The following NFIA variants were observed in gnomAD, a reference collection of about 807,000 sequenced individuals.
NFIA encodes nuclear factor 1 A-type.
In NFIA, 8 loss-of-function variants were observed where a neutral mutation model predicts 62.8. The observed-to-expected ratio is 0.13, with a 90% CI of 0.07 to 0.23. The LOEUF (loss-of-function observed/expected upper bound fraction) is 0.23, where lower values mean the gene tolerates loss of function less well. NFIA is among the 10% of genes least tolerant of loss of function. The pLI is 1.00. For missense variants in NFIA, 410 were observed against 642.1 expected (o/e 0.64, Z 3.91); for synonymous variants, 235 against 238.1 (o/e 0.99, Z 0.12).
chr1:61,129,003 A>G (rs986085073), intron 2 of NFIA, among the ~76,000 whole-genome samples: 5 of 133,188 alleles, frequency 3.8e-5, no homozygotes, highest in African/African-American at 1.4e-4. Flanking sequence ...GCTCACTGCA[A>G]GCTCCGCCTC....
rs551604270 is a variant in NFIA, at chr1:61,434,728, A to C, written c.1512+8172A>C. Among the ~76,000 whole-genome samples the C allele has an allele frequency of 2.0e-3, 309 of 152,308 alleles. 1 individual carries two copies. Among genetic ancestry groups the C allele is most frequent in the Non-Finnish European group, 3.7e-3 (254 of 68,026 alleles). On this transcript the variant is annotated intron_variant, in intron 10 of 10. Transcript: ENST00000403491. ...AGGTCTCTGCCATAGTATCTGGCAC[A>C]CAATAGGTGCTCAGTAAATATTGCT...
chr1:61,217,322 C>A (rs1653696667), intron 2 of NFIA, among the ~76,000 whole-genome samples: 1 of 151,890 alleles, frequency 6.6e-6, no homozygotes, highest in Admixed American at 6.6e-5. Flanking sequence ...CCCACCTTGG[C>A]CTCCCAAAGT....
rs534538040 is a variant in NFIA at position 61,260,974 on chromosome 1, G to A, written c.560-16546G>A. 5.3e-5 allele frequency among the ~76,000 whole-genome samples: 8 copies of A among 152,318 alleles called. No individual in the cohort carries two copies. The South Asian group carries it at 1.7e-3, about 32-fold the overall frequency. On this transcript the variant is annotated intron_variant, in intron 2 of 10. Transcript: ENST00000403491. The stretch of plus-strand genomic sequence containing the variant: ...ATGACACAATTTCTAAAGTTATTTA[G>A]TGTTTGTCAGTGATGTCTGAAGCTC...
chr1:61,295,174 ACT>A (rs1299088844), intron 3 of NFIA, among the ~76,000 whole-genome samples: 1 of 152,182 alleles, frequency 6.6e-6, no homozygotes, highest in Non-Finnish European at 1.5e-5. Flanking sequence ...TAAGTGCAGC[ACT>A]CTGACAGAAA....
At chr1:61,255,958 C>T (rs1011923003) in intron 2 of NFIA, among the ~76,000 whole-genome samples, 1 of 152,132 alleles carries the variant, frequency 6.6e-6, no homozygotes, top group Non-Finnish European at 1.5e-5. Flanking sequence ...CAAATGTAAG[C>T]TCACTAGGAA....
chr1:61,113,477 C>T (rs929051743), intron 2 of NFIA, among the ~76,000 whole-genome samples: 1 of 151,874 alleles, frequency 6.6e-6, no homozygotes, highest in African/African-American at 2.4e-5. Context: ...ACCTGTAATC[C>T]CAGCTACTCT....
chr1:61,454,163 G>A (rs902955251), intron 10 of NFIA, among the ~76,000 whole-genome samples: 12 of 152,210 alleles, frequency 7.9e-5, no homozygotes, highest in Middle Eastern at 3.4e-3. Flanking sequence ...TTCTGATACC[G>A]TCAACTTAAA....
intron 2 of NFIA, among the ~76,000 whole-genome samples, chr1:61,101,290 G>C (rs1469580266): frequency 6.6e-6 from 1 of 151,874 alleles, no homozygotes; most frequent in East Asian, 1.9e-4. Flanking sequence ...AGCTACTCGG[G>C]AGGCCGAGGC....
At chr1:61,359,071 T>G in intron 5 of NFIA, 76 bp from the exon 6 acceptor site, 1 of 1,564,838 alleles carries the variant, frequency 6.4e-7, no homozygotes, top group South Asian at 1.2e-5. Context: ...CTTGGCTTTC[T>G]TTCAACCAGA....
At chr1:61,106,974 A>G (rs1646614013) in intron 2 of NFIA, among the ~76,000 whole-genome samples, 1 of 151,542 alleles carries the variant, frequency 6.6e-6, no homozygotes, top group Non-Finnish European at 1.5e-5. Context: ...ATAAATACAT[A>G]TACACACACA....
At chr1:61,383,209 G>A (rs765927034) in intron 6 of NFIA, 28 bp from the exon 7 acceptor site, 6 of 1,613,360 alleles carry the variant, frequency 3.7e-6, no homozygotes, top group Non-Finnish European at 5.1e-6. Context: ...GAATTAAAGT[G>A]TACTTACCAG....
At chr1:61,282,689 G>A (rs1163583275) in intron 3 of NFIA, among the ~76,000 whole-genome samples, 3 of 152,152 alleles carry the variant, frequency 2.0e-5, no homozygotes, top group East Asian at 1.9e-4. Flanking sequence ...ACTGTTATCC[G>A]TGAAAGCATC....
At chr1:61,373,522 G>A (rs749277231) in intron 6 of NFIA, among the ~76,000 whole-genome samples, 9 of 152,058 alleles carry the variant, frequency 5.9e-5, no homozygotes, top group African/African-American at 9.7e-5. Context: ...GACCCTCACA[G>A]ACTATGCATC....
intron 3 of NFIA, among the ~76,000 whole-genome samples, chr1:61,299,991 G>C (rs562284279): frequency 2.6e-5 from 4 of 152,068 alleles, no homozygotes; most frequent in Admixed American, 2.6e-4. Context: ...GAGTATATCC[G>C]TATTTTTGAG....
chr1:61,323,580 C>G (rs762855284), intron 3 of NFIA, among the ~76,000 whole-genome samples: 14 of 152,074 alleles, frequency 9.2e-5, no homozygotes, highest in Non-Finnish European at 2.1e-4. Context: ...CAATGAGTGG[C>G]AGAACAATTT....
chr1:61,325,292 G>A (rs1660874109), intron 3 of NFIA, among the ~76,000 whole-genome samples: 1 of 152,070 alleles, frequency 6.6e-6, no homozygotes, highest in African/African-American at 2.4e-5. Flanking sequence ...GCAGTAAAGT[G>A]GAACAATCAG....
intron 10 of NFIA, among the ~76,000 whole-genome samples, chr1:61,439,977 TG>T (rs1667504098): frequency 6.6e-6 from 1 of 152,170 alleles, no homozygotes; most frequent in Non-Finnish European, 1.5e-5. Flanking sequence ...ATAAATCCTG[TG>T]TGAACGGACA....
At chr1:61,246,128 T>A (rs1345094479) in intron 2 of NFIA, among the ~76,000 whole-genome samples, 2 of 152,204 alleles carry the variant, frequency 1.3e-5, no homozygotes, top group African/African-American at 4.8e-5. Flanking sequence ...GTGAACTATT[T>A]TATTTCGAAG....
At chr1:61,228,967 T>C (rs1654500460) in intron 2 of NFIA, among the ~76,000 whole-genome samples, 1 of 152,150 alleles carries the variant, frequency 6.6e-6, no homozygotes, top group Admixed American at 6.5e-5. Flanking sequence ...CTTTAAAGGT[T>C]AATTATTTCA....
Sources: gnomAD v4.1 joint callset for allele counts (sites outside exome capture counted in the v4.1 genomes callset) on GRCh38, gnomAD v4.1.1 for gene constraint, MANE v1.5 for transcripts, NCBI Gene and HGNC (gene_info 2026-07-23, HGNC 2026-07-21) for gene names.